Variants in ANKS1B observed in about 807,000 individuals in gnomAD.
ANKS1B encodes ankyrin repeat and sterile alpha motif domain-containing protein 1B.
Under a neutral mutation model 148.3 loss-of-function variants are expected in ANKS1B, and 36 were observed. The ratio of observed to expected loss-of-function variants is 0.24; its 90% confidence interval spans 0.19 to 0.32. ANKS1B has a LOEUF of 0.32. Ranked by LOEUF, ANKS1B falls within the 10% of genes least tolerant of loss-of-function variation. ANKS1B has a pLI of 1.00. For missense variants in ANKS1B, 1,157 were observed against 1,542.6 expected (o/e 0.75, Z 4.19); for synonymous variants, 542 against 560.8 (o/e 0.97, Z 0.47).
Position 99,630,124 on chromosome 12 carries a change from C to T in ANKS1B, c.1272+24943G>A, listed in dbSNP as rs1395882810. Among the ~76,000 whole-genome samples, 4 of 151,946 alleles carry T rather than the reference C, an allele frequency of 2.6e-5. No homozygotes were observed. The East Asian group carries it at 7.7e-4, about 29-fold the overall frequency. On this transcript the variant is annotated intron_variant, in intron 9 of 26. Transcript: ENST00000683438. The stretch of plus-strand genomic sequence containing the variant: ...ACAAATAATGAAAATATAACCTACA[C>T]AACTAAAATAGCAGAGAAAAATATA...
chr12:99,472,309 C>A (rs780649259), intron 10 of ANKS1B, among the ~76,000 whole-genome samples: 1 of 152,042 alleles, frequency 6.6e-6, no homozygotes, highest in African/African-American at 2.4e-5. Flanking sequence ...ATGTTTCTTC[C>A]ATCATTTCTT....
intron 17 of ANKS1B, among the ~76,000 whole-genome samples, chr12:98,930,837 A>G (rs1010697616): frequency 1.3e-5 from 2 of 152,138 alleles, no homozygotes; most frequent in Non-Finnish European, 2.9e-5. Context: ...CAACTCTGTG[A>G]GTACACGAAA....
chr12:99,637,238 G>A (rs2098247131), intron 9 of ANKS1B, among the ~76,000 whole-genome samples: 1 of 152,202 alleles, frequency 6.6e-6, no homozygotes, highest in African/African-American at 2.4e-5. Flanking sequence ...CTTTAACCTG[G>A]GAGGCGGAGT....
intron 8 of ANKS1B, among the ~76,000 whole-genome samples, chr12:99,733,551 AATT>A (rs1371639659): frequency 1.3e-5 from 2 of 152,212 alleles, no homozygotes; most frequent in African/African-American, 4.8e-5. Context: ...TTACCCATTT[AATT>A]ATCACAATGA....
chr12:99,975,519 A>T (rs906041409), intron 1 of ANKS1B, among the ~76,000 whole-genome samples: 1 of 152,178 alleles, frequency 6.6e-6, no homozygotes, highest in African/African-American at 2.4e-5. Flanking sequence ...CATTCTGACT[A>T]GTGTGAGATG....
chr12:99,224,103 T>G (rs962613206), intron 14 of ANKS1B, among the ~76,000 whole-genome samples: 5 of 151,042 alleles, frequency 3.3e-5, no homozygotes, highest in Non-Finnish European at 7.4e-5. Context: ...TTTTTTAAAT[T>G]TTTTTTTTTA....
At chr12:99,782,142 G>C in intron 4 of ANKS1B, 45 bp from the exon 5 acceptor site, 1 of 1,457,576 alleles carries the variant, frequency 6.9e-7, no homozygotes, top group Non-Finnish European at 9.3e-7. Context: ...GTTGCATTTG[G>C]AATGCTTACA....
chr12:99,898,262 TATTACTCAAA>T (rs2093459262), intron 1 of ANKS1B, among the ~76,000 whole-genome samples: 1 of 152,152 alleles, frequency 6.6e-6, no homozygotes, highest in Non-Finnish European at 1.5e-5. Context: ...AAGCCCTCAA[TATTACTCAAA>T]AGGCACATCT....
At chr12:99,112,735 T>C in intron 15 of ANKS1B, among the ~76,000 whole-genome samples, 1 of 152,178 alleles carries the variant, frequency 6.6e-6, no homozygotes, top group East Asian at 1.9e-4. Context: ...TGATCCACTA[T>C]TTTAATAAAG....
chr12:99,540,402 A>G (rs2097113649), intron 9 of ANKS1B, among the ~76,000 whole-genome samples: 1 of 152,150 alleles, frequency 6.6e-6, no homozygotes, highest in Admixed American at 6.6e-5. Flanking sequence ...AGAATAGACC[A>G]TGCAATATGA....
chr12:98,889,298 T>C (rs376127975), intron 17 of ANKS1B, among the ~76,000 whole-genome samples: 1 of 152,146 alleles, frequency 6.6e-6, no homozygotes, highest in South Asian at 2.1e-4. Flanking sequence ...TTCTCTCTCA[T>C]ATTGGTGAAG....
At chr12:99,853,042 C>T (rs2088240987) in intron 1 of ANKS1B, among the ~76,000 whole-genome samples, 1 of 152,128 alleles carries the variant, frequency 6.6e-6, no homozygotes. Flanking sequence ...AAACTCCTTT[C>T]CCCCATAGCA....
intron 10 of ANKS1B, among the ~76,000 whole-genome samples, chr12:99,485,734 T>G (rs1228663738): frequency 5.9e-5 from 9 of 152,152 alleles, no homozygotes; most frequent in Non-Finnish European, 1.2e-4. Flanking sequence ...TGATTCTTTT[T>G]TCTTTATTTT....
intron 12 of ANKS1B, among the ~76,000 whole-genome samples, chr12:99,379,283 G>C (rs2093536507): frequency 6.6e-6 from 1 of 152,200 alleles, no homozygotes; most frequent in Admixed American, 6.5e-5. Flanking sequence ...GCAGAATAAT[G>C]TGTTGGTCAA....
chr12:98,736,281 G>C (rs77608491), intron 9 of ANKS1B, among the ~76,000 whole-genome samples: 3,277 of 152,298 alleles, frequency 0.022, 55 homozygotes, highest in East Asian at 0.086. Context: ...GACTAGGGTG[G>C]CAGCAGCAGA....
At chr12:98,958,997 A>C (rs2099866894) in intron 17 of ANKS1B, among the ~76,000 whole-genome samples, 1 of 152,190 alleles carries the variant, frequency 6.6e-6, no homozygotes, top group South Asian at 2.1e-4. Flanking sequence ...TCCTGTAGTT[A>C]TACTTTATAA....
At chr12:98,810,816 A>G (rs7311005) in intron 19 of ANKS1B, among the ~76,000 whole-genome samples, 49,769 of 152,158 alleles carry the variant, frequency 0.33, 8,297 homozygotes, top group Middle Eastern at 0.38. Flanking sequence ...TCCATTTTGT[A>G]TGAAATCCAA....
At chr12:99,662,889 A>C (rs1419364042) in intron 8 of ANKS1B, among the ~76,000 whole-genome samples, 1 of 151,768 alleles carries the variant, frequency 6.6e-6, no homozygotes, top group African/African-American at 2.4e-5. Flanking sequence ...CTTGGTGTCT[A>C]TTTTTGCCTG....
chr12:99,102,912 G>A (rs1049325594), intron 15 of ANKS1B, among the ~76,000 whole-genome samples: 4 of 151,912 alleles, frequency 2.6e-5, no homozygotes, highest in Admixed American at 2.6e-4. Context: ...CTAGGCGACC[G>A]ATAGATATGT....
Sources: allele counts gnomAD v4.1 joint callset (sites outside exome capture counted in the v4.1 genomes callset), GRCh38; gene constraint gnomAD v4.1.1; transcripts MANE v1.5; gene names NCBI Gene and HGNC (gene_info 2026-07-23, HGNC 2026-07-21).